The following MARCHF7 variants were observed in gnomAD, a reference collection of about 807,000 sequenced individuals.
MARCHF7 encodes membrane associated ring-CH-type finger 7, also known as E3 ubiquitin-protein ligase MARCHF7.
A neutral mutation model predicts 76.5 loss-of-function variants in MARCHF7; 20 were observed. The ratio of observed to expected loss-of-function variants is 0.26; its 90% CI spans 0.18 to 0.38. MARCHF7 has a LOEUF of 0.38. MARCHF7 is among the 10% of genes least tolerant of loss of function. The probability of loss-of-function intolerance (pLI) is 1.00; values close to 1 mark genes in which losing one functional copy is unlikely to be tolerated. For synonymous variants in MARCHF7, 295 were observed against 293.0 expected (o/e 1.01, Z -0.07); for missense variants, 797 against 812.9 (o/e 0.98, Z 0.24).
At chr2:159,743,985 TTTTTTTTTTTTTTTTTTTTG>T (rs1159216539) in intron 5 of MARCHF7, among the ~76,000 whole-genome samples, 1 of 34,204 alleles carries the variant, frequency 2.9e-5, no homozygotes, top group Non-Finnish European at 5.7e-5. Flanking sequence ...TTTTTTTTTT[TTTTTTTTTTTTTTTTTTTTG>T]GAGACGGAGT....
intron 3 of MARCHF7, among the ~76,000 whole-genome samples, chr2:159,724,747 T>C (rs1265129524): frequency 6.6e-6 from 1 of 152,236 alleles, no homozygotes; most frequent in East Asian, 1.9e-4. Context: ...ATTTGTTACA[T>C]ATGTATACAT....
intron 8 of MARCHF7, among the ~76,000 whole-genome samples, chr2:159,753,781 A>T (rs1323209801): frequency 6.6e-6 from 1 of 152,186 alleles, no homozygotes; most frequent in African/African-American, 2.4e-5. Flanking sequence ...AGAGTTGGTG[A>T]TGATTAACAT....
chr2:159,735,102 C>T (rs946301390), intron 4 of MARCHF7, among the ~76,000 whole-genome samples: 1 of 152,198 alleles, frequency 6.6e-6, no homozygotes, highest in Non-Finnish European at 1.5e-5. Flanking sequence ...CTCTCCATCA[C>T]ATGAATATTT....
chr2:159,738,545 T>C (rs918896261), intron 4 of MARCHF7, among the ~76,000 whole-genome samples: 16 of 152,084 alleles, frequency 1.1e-4, no homozygotes, highest in Non-Finnish European at 1.9e-4. Context: ...AGACCCAAAG[T>C]GGGTGGCTCC....
At chr2:159,764,232 G>GTA (rs2125741148) in intron 10 of MARCHF7, among the ~76,000 whole-genome samples, 1 of 146,776 alleles carries the variant, frequency 6.8e-6, no homozygotes, top group East Asian at 2.1e-4. Flanking sequence ...GTGTGTGTGT[G>GTA]TGTGTGTGTG....
chr2:159,732,998 A>G (rs187757222), intron 4 of MARCHF7: 1 of 841,114 alleles, frequency 1.2e-6, no homozygotes, highest in African/African-American at 1.8e-5. Flanking sequence ...AACAGTGCCT[A>G]GAACATAGTA....
rs1256486641 is a variant in MARCHF7 at position 159,770,673 on chromosome 2, C to CTTT, written c.*3333_*3335dup. On this transcript the variant is annotated 3_prime_UTR_variant, in exon 12 of 12. Coordinates refer to ENST00000409175, the MANE Select transcript of MARCHF7 (RefSeq NM_001282805.2). ...TTAGTAGACCATATTTTTACTGTAC[C>CTTT]TTTTCTATATTTAGATACACAAATA... The CTTT allele has an allele frequency of 1.3e-5, 2 of 152,090 alleles. No homozygotes were observed. The highest frequency in any genetic ancestry group is 4.2e-4 in the South Asian group (2 of 4,818). The allele number at this position is 152,090 out of a possible 1,614,324, so 9.4% of individuals were successfully genotyped here. A position where few individuals can be genotyped will look rare whatever the true frequency, so the allele number is the denominator to read the frequency against.
intron 3 of MARCHF7, among the ~76,000 whole-genome samples, chr2:159,728,074 G>T (rs1263184142): frequency 6.6e-6 from 1 of 152,040 alleles, no homozygotes; most frequent in Non-Finnish European, 1.5e-5. Flanking sequence ...CTTTCCAATA[G>T]TACCATAAAC....
chr2:159,745,342 T>C (rs1704720933), intron 5 of MARCHF7, among the ~76,000 whole-genome samples: 1 of 152,132 alleles, frequency 6.6e-6, no homozygotes, highest in South Asian at 2.1e-4. Flanking sequence ...AACAACTATA[T>C]AACCGGGGAT....
chr2:159,729,173 C>G lies in MARCHF7; in HGVS notation c.151C>G (p.Gln51Glu), dbSNP rs1489268835. 3.1e-6 allele frequency: 5 copies of G among 1,589,522 alleles called. No individual in the cohort carries two copies. Among genetic ancestry groups the G allele is most frequent in the Non-Finnish European group, 4.3e-6 (5 of 1,170,722 alleles). ...DSSFRLDSEY[Q>E]STSASASASP... ...TTCATTTAGATTGGATTCTGAATAT[C>G]AGGTAACATTTTTATTTGGAATATA... Residue 51 changes from glutamine (Q) to glutamate (E), a missense_variant and splice_region_variant, in exon 4 of 12, where the codon CAG (glutamine) becomes GAG (glutamate). Physicochemically the swap from Gln to Glu is conservative, Grantham distance 29. Coordinates refer to ENST00000409175, the MANE Select transcript of MARCHF7 (RefSeq NM_001282805.2).
At chr2:159,730,312 A>G (rs543324443) in intron 4 of MARCHF7, among the ~76,000 whole-genome samples, 46 of 152,342 alleles carry the variant, frequency 3.0e-4, no homozygotes, top group South Asian at 2.3e-3. Flanking sequence ...TGTTGAGGTA[A>G]TCTAAAAGAA....
intron 7 of MARCHF7, among the ~76,000 whole-genome samples, chr2:159,751,793 CTT>C (rs1705681594): frequency 6.6e-6 from 1 of 152,148 alleles, no homozygotes; most frequent in Non-Finnish European, 1.5e-5. Context: ...TTAATGGAAT[CTT>C]TTATAAGATT....
At chr2:159,732,479 G>GA (rs760931140) in intron 4 of MARCHF7, among the ~76,000 whole-genome samples, 8 of 152,044 alleles carry the variant, frequency 5.3e-5, no homozygotes, top group Non-Finnish European at 1.0e-4. Context: ...ATTTAGTTTT[G>GA]ATTTAGAAAT....
intron 3 of MARCHF7, 104 bp from the exon 4 acceptor site, chr2:159,728,904 AT>A: frequency 1.6e-6 from 1 of 620,418 alleles, no homozygotes; most frequent in South Asian, 3.2e-5. Flanking sequence ...GATATGGTTA[AT>A]TTGTATGGTT....
intron 4 of MARCHF7, among the ~76,000 whole-genome samples, chr2:159,737,108 T>C (rs1703547821): frequency 6.6e-6 from 1 of 152,230 alleles, no homozygotes; most frequent in Admixed American, 6.5e-5. Context: ...AGTGTAAATT[T>C]AGTTGCTTCC....
At chr2:159,741,078 CTT>C (rs1165123447) in intron 4 of MARCHF7, among the ~76,000 whole-genome samples, 2 of 152,038 alleles carry the variant, frequency 1.3e-5, no homozygotes, top group Non-Finnish European at 2.9e-5. Flanking sequence ...ATAGTAATGT[CTT>C]AGAAGAAAGC....
At chr2:159,738,074 A>G (rs372818918) in intron 4 of MARCHF7, among the ~76,000 whole-genome samples, 3 of 152,284 alleles carry the variant, frequency 2.0e-5, no homozygotes, top group Admixed American at 6.5e-5. Context: ...CAGGGGGTGC[A>G]TGGGCAAGTG....
Position 159,748,694 on chromosome 2 carries a change from A to T in MARCHF7, c.1404A>T (p.Gln468His). The stretch of plus-strand genomic sequence containing the variant: ...GTGGCTCTACATCAGATTCGGCTCA[A>T]GGTGGAAGAAATACAGGAATATCAG... ...TTGGSTSDSA[Q>H]GGRNTGISGI... is the part of the protein sequence containing the mutation. The change falls in exon 7 of 12, where the codon CAA becomes CAT. Residue 468 changes from glutamine to histidine, a missense_variant. By Grantham distance (24) the Gln-to-His change is conservative (BLOSUM62 0). Around this residue, in one of 3 missense-constraint regions of MARCHF7, gnomAD observed 643 missense variants for 631.5 expected, o/e 1.02. Transcript: ENST00000409175. The T allele has an allele frequency of 1.2e-6, 2 of 1,614,202 alleles. No individual in the cohort carries two copies. Among genetic ancestry groups the T allele is most frequent in the Non-Finnish European group, 8.5e-7 (1 of 1,180,018 alleles).
intron 3 of MARCHF7, among the ~76,000 whole-genome samples, chr2:159,725,310 G>A (rs986137822): frequency 6.6e-6 from 1 of 152,206 alleles, no homozygotes; most frequent in Non-Finnish European, 1.5e-5. Flanking sequence ...CAATGTAAAA[G>A]TGTTCCTAAT....
Sources: allele counts gnomAD v4.1 joint callset (sites outside exome capture counted in the v4.1 genomes callset), GRCh38; gene constraint gnomAD v4.1.1; regional missense constraint gnomAD v4.1.1; transcripts MANE v1.5; gene names NCBI Gene and HGNC (gene_info 2026-07-23, HGNC 2026-07-21).